Variants in PTPRM observed in about 807,000 individuals in gnomAD.
PTPRM encodes receptor-type tyrosine-protein phosphatase mu.
PTPRM carries 47 observed loss-of-function variants against 186.7 expected under a neutral mutation model. The ratio of observed to expected loss-of-function variants is 0.25; its 90% CI spans 0.20 to 0.32. PTPRM has a LOEUF of 0.32. Ranked by LOEUF, PTPRM falls within the 10% of genes least tolerant of loss-of-function variation. The pLI, the probability that PTPRM is intolerant of heterozygous loss-of-function variation, is 1.00. For synonymous variants in PTPRM, 668 were observed against 674.9 expected (o/e 0.99, Z 0.16); for missense variants, 1,494 against 1,865.0 (o/e 0.80, Z 3.66).
intron 9 of PTPRM, among the ~76,000 whole-genome samples, chr18:8,081,321 T>G (rs2090115180): frequency 6.6e-6 from 1 of 152,194 alleles, no homozygotes; most frequent in Admixed American, 6.5e-5. Flanking sequence ...ACACATGATG[T>G]TGAGATCTCA....
At chr18:7,715,121 A>G (rs2040298389) in intron 1 of PTPRM, among the ~76,000 whole-genome samples, 1 of 152,200 alleles carries the variant, frequency 6.6e-6, no homozygotes, top group Non-Finnish European at 1.5e-5. Context: ...AAATAATGAC[A>G]AACCAAATCC....
At chr18:8,195,997 A>T (rs1270795320) in intron 14 of PTPRM, among the ~76,000 whole-genome samples, 1 of 152,238 alleles carries the variant, frequency 6.6e-6, no homozygotes, top group African/African-American at 2.4e-5. Flanking sequence ...GTTACTAGTT[A>T]GTTGGTATTC....
At chr18:8,360,019 T>G (rs975492227) in intron 23 of PTPRM, among the ~76,000 whole-genome samples, 26 of 152,222 alleles carry the variant, frequency 1.7e-4, no homozygotes, top group African/African-American at 6.0e-4. Context: ...TAGGGTTGTC[T>G]GGCCACATAA....
chr18:8,121,725 A>T (rs2092180510), intron 13 of PTPRM: 1 of 152,188 alleles, frequency 6.6e-6, no homozygotes, highest in Admixed American at 6.5e-5. Flanking sequence ...CTACATAAAA[A>T]CGTTTTTAGT....
intron 7 of PTPRM, chr18:8,017,828 C>T (rs1433283733): frequency 6.6e-6 from 1 of 152,076 alleles, no homozygotes; most frequent in African/African-American, 2.4e-5. Context: ...GCACTACATC[C>T]ACCAAGCATT....
intron 7 of PTPRM, among the ~76,000 whole-genome samples, chr18:7,996,875 GA>G (rs1306956297): frequency 3.3e-5 from 5 of 149,968 alleles, no homozygotes; most frequent in Non-Finnish European, 3.0e-5. Flanking sequence ...AAACACTAAT[GA>G]AAGGAATTGA....
At chr18:8,199,512 G>A (rs1013779052) in intron 14 of PTPRM, among the ~76,000 whole-genome samples, 2 of 152,202 alleles carry the variant, frequency 1.3e-5, no homozygotes, top group African/African-American at 4.8e-5. Context: ...TAAAGTTGAG[G>A]TCAGTGTAGC....
chr18:7,684,428 C>T (rs76175297), intron 1 of PTPRM, among the ~76,000 whole-genome samples: 7 of 152,180 alleles, frequency 4.6e-5, no homozygotes, highest in Admixed American at 4.6e-4. Flanking sequence ...GATTATGGTA[C>T]AATATAGTAC....
At chr18:8,108,015 G>C (rs1386486324) in intron 11 of PTPRM, among the ~76,000 whole-genome samples, 1 of 152,112 alleles carries the variant, frequency 6.6e-6, no homozygotes, top group Non-Finnish European at 1.5e-5. Context: ...AGTAAATGCT[G>C]ACAGATTTAG....
chr18:8,391,441 G>A (rs1029071678), intron 31 of PTPRM, among the ~76,000 whole-genome samples: 3 of 152,204 alleles, frequency 2.0e-5, no homozygotes, highest in African/African-American at 7.2e-5. Context: ...ATATAACACC[G>A]TGGGTGATTC....
intron 22 of PTPRM, among the ~76,000 whole-genome samples, chr18:8,340,092 C>A (rs2095465686): frequency 6.6e-6 from 1 of 152,166 alleles, no homozygotes; most frequent in Non-Finnish European, 1.5e-5. Flanking sequence ...TACTGTAGAG[C>A]CACCACAGTG....
At chr18:7,860,103 C>T (rs1033881533) in intron 2 of PTPRM, among the ~76,000 whole-genome samples, 7 of 151,058 alleles carry the variant, frequency 4.6e-5, no homozygotes, top group African/African-American at 9.8e-5. Context: ...GACAGAGTCT[C>T]GCTGTGTCTC....
At chr18:8,216,104 G>A (rs1005189154) in intron 14 of PTPRM, among the ~76,000 whole-genome samples, 6 of 152,066 alleles carry the variant, frequency 3.9e-5, no homozygotes, top group South Asian at 2.1e-4. Context: ...GCAAAAACCC[G>A]TATTTCTTTA....
chr18:7,668,495 C>T lies in PTPRM; in HGVS notation c.73+100604C>T, dbSNP rs1291994189. Among the ~76,000 whole-genome samples the T allele has an allele frequency of 6.6e-6, 1 of 152,202 alleles. No individual in the cohort carries two copies. The highest frequency in any genetic ancestry group is 1.5e-5 in the Non-Finnish European group (1 of 68,034). On this transcript the variant is annotated intron_variant, in intron 1 of 32. Transcript: ENST00000580170. The surrounding 1 kb of genome is among the most constrained non-coding windows in gnomAD (Gnocchi z 4.7). Reference sequence around the variant, plus strand: ...AGAGAAGAATCCTCAGAACATTAGGCAGGTGCTCCTTTCGAGACAGACACA... The same window carrying T: ...AGAGAAGAATCCTCAGAACATTAGGTAGGTGCTCCTTTCGAGACAGACACA...
chr18:8,115,664 C>T (rs542913848), intron 13 of PTPRM, among the ~76,000 whole-genome samples: 5 of 152,204 alleles, frequency 3.3e-5, no homozygotes, highest in Non-Finnish European at 5.9e-5. Flanking sequence ...AATTTAGAGA[C>T]GATGGTAAAA....
At chr18:7,989,740 T>G (rs1416584389) in intron 7 of PTPRM, among the ~76,000 whole-genome samples, 1 of 152,188 alleles carries the variant, frequency 6.6e-6, no homozygotes, top group Non-Finnish European at 1.5e-5. Flanking sequence ...TCTATAAGTT[T>G]CCAGAATAGG....
At chr18:7,918,278 T>C (rs1599496280) in intron 4 of PTPRM, among the ~76,000 whole-genome samples, 2 of 145,464 alleles carry the variant, frequency 1.4e-5, no homozygotes, top group Non-Finnish European at 1.5e-5. Context: ...CTGGATCTTA[T>C]GGTAGTTCTA....
intron 5 of PTPRM, chr18:7,946,767 T>G (rs892194241): frequency 2.8e-6 from 1 of 355,808 alleles, no homozygotes; most frequent in Non-Finnish European, 5.5e-6. Context: ...CAAGACTGTT[T>G]TACAGATAAT....
At chr18:7,782,235 C>T (rs1033786850) in intron 2 of PTPRM, among the ~76,000 whole-genome samples, 1 of 152,090 alleles carries the variant, frequency 6.6e-6, no homozygotes, top group African/African-American at 2.4e-5. Flanking sequence ...TTCAGTGGCC[C>T]TTACTGGTTG....
Sources: gnomAD v4.1 joint callset for allele counts (sites outside exome capture counted in the v4.1 genomes callset) on GRCh38, gnomAD v4.1.1 for gene constraint, Gnocchi (gnomAD v3.1) non-coding constraint, MANE v1.5 for transcripts, NCBI Gene and HGNC (gene_info 2026-07-23, HGNC 2026-07-21) for gene names.